The following COA8 variants were observed in gnomAD, a reference collection of about 807,000 sequenced individuals.
The protein encoded by COA8 is UPF0671 protein C14orf153.
COA8 carries 20 observed loss-of-function variants against 22.0 expected under a neutral mutation model. The observed-to-expected ratio is 0.91, with a 90% CI of 0.64 to 1.32. The LOEUF (loss-of-function observed/expected upper bound fraction) is 1.32, where lower values mean the gene tolerates loss of function less well. Among genes scored for constraint, COA8 ranks in the 40% most tolerant of loss-of-function variants. The pLI is 0.00. For missense variants in COA8, 266 were observed against 230.0 expected (o/e 1.16, Z -1.01); for synonymous variants, 105 against 79.9 (o/e 1.31, Z -1.68).
intron 3 of COA8, among the ~76,000 whole-genome samples, chr14:103,582,130 G>A (rs776521320): frequency 6.6e-6 from 1 of 151,940 alleles, no homozygotes; most frequent in Non-Finnish European, 1.5e-5. Flanking sequence ...TGCTGGAGAT[G>A]CAGGAGCCCC....
intron 4 of COA8, among the ~76,000 whole-genome samples, chr14:103,589,876 T>C (rs2076337558): frequency 6.6e-6 from 1 of 151,346 alleles, no homozygotes; most frequent in Non-Finnish European, 1.5e-5. Flanking sequence ...ATCGCGCCAC[T>C]GCACTCCAGC....
intron 1 of COA8, 97 bp downstream of exon 1, chr14:103,563,221 C>T (rs970859230): frequency 6.8e-7 from 1 of 1,467,924 alleles, no homozygotes; most frequent in Non-Finnish European, 9.2e-7. Context: ...ACAGCCGCCT[C>T]AGGCCTTTGT....
chr14:103,574,288 T>G, intron 3 of COA8, 118 bp downstream of exon 3: 1 of 1,387,996 alleles, frequency 7.2e-7, no homozygotes, highest in Non-Finnish European at 1.0e-6. Flanking sequence ...TTGGCCTGCT[T>G]TGGGGCAGTG....
chr14:103,588,130 A>AC (rs1566987198), intron 4 of COA8: 16 of 313,080 alleles, frequency 5.1e-5, no homozygotes, highest in Non-Finnish European at 7.6e-5. Context: ...AAAAAAAAAA[A>AC]AAAAAAAAAA....
chr14:103,573,134 G>C (rs552161797), intron 2 of COA8, among the ~76,000 whole-genome samples: 11 of 152,026 alleles, frequency 7.2e-5, no homozygotes, highest in Non-Finnish European at 1.0e-4. Flanking sequence ...TAAGAAAGAA[G>C]TATAAATAGT....
At chr14:103,587,466 T>TAGA in intron 4 of COA8, 102 bp downstream of exon 4, 1 of 656,196 alleles carries the variant, frequency 1.5e-6, no homozygotes, top group Non-Finnish European at 2.4e-6. Context: ...ATATCAGAGG[T>TAGA]AGAAGTTGCA....
chr14:103,586,804 G>A (rs781202804), intron 3 of COA8, among the ~76,000 whole-genome samples: 2 of 150,904 alleles, frequency 1.3e-5, no homozygotes, highest in African/African-American at 2.4e-5. Context: ...CCTGACCTCA[G>A]GTGATCCACC....
At chr14:103,576,666 C>G (rs1193484205) in intron 3 of COA8, among the ~76,000 whole-genome samples, 2 of 152,208 alleles carry the variant, frequency 1.3e-5, no homozygotes, top group Non-Finnish European at 2.9e-5. Flanking sequence ...TTACCTTTCT[C>G]ATGCTATAAA....
At chr14:103,573,999 A>C (rs1347563601) in intron 2 of COA8, 108 bp from the exon 3 acceptor site, 18 of 1,359,606 alleles carry the variant, frequency 1.3e-5, no homozygotes, top group Non-Finnish European at 1.6e-5. Context: ...GAAAATCCAC[A>C]TCTAAACTTC....
intron 3 of COA8, among the ~76,000 whole-genome samples, chr14:103,580,390 C>T (rs2076258724): frequency 6.6e-6 from 1 of 151,986 alleles, no homozygotes; most frequent in South Asian, 2.1e-4. Context: ...CTCACTGCAG[C>T]TTCCGCCTCT....
At chr14:103,576,773 G>C (rs1344728016) in intron 3 of COA8, among the ~76,000 whole-genome samples, 3 of 152,332 alleles carry the variant, frequency 2.0e-5, no homozygotes, top group Non-Finnish European at 2.9e-5. Context: ...GCCCGGTTGG[G>C]AGGTGCCCGG....
chr14:103,584,669 A>G (rs920674572), intron 3 of COA8, among the ~76,000 whole-genome samples: 5 of 152,114 alleles, frequency 3.3e-5, no homozygotes, highest in African/African-American at 9.7e-5. Flanking sequence ...ATTTCTCTAC[A>G]TCCTTGTCAA....
intron 3 of COA8, among the ~76,000 whole-genome samples, chr14:103,585,281 C>T (rs1363929749): frequency 6.6e-6 from 1 of 151,866 alleles, no homozygotes; most frequent in East Asian, 1.9e-4. Flanking sequence ...GAGTTCGAGA[C>T]CAGCCTGACC....
At chr14:103,563,159 G>T (rs1271447250) in intron 1 of COA8, 35 bp downstream of exon 1, 3 of 1,539,378 alleles carry the variant, frequency 1.9e-6, no homozygotes, top group Non-Finnish European at 1.7e-6. Flanking sequence ...GGCCGGGAGG[G>T]GTGACCGGAA....
At chr14:103,580,044 G>T (rs1389764542) in intron 3 of COA8, among the ~76,000 whole-genome samples, 3 of 152,022 alleles carry the variant, frequency 2.0e-5, no homozygotes, top group Admixed American at 6.6e-5. Context: ...GTAATCCAGG[G>T]ATGACTTAAA....
At chr14:103,585,981 A>G (rs760121259) in intron 3 of COA8, among the ~76,000 whole-genome samples, 1 of 149,122 alleles carries the variant, frequency 6.7e-6, no homozygotes, top group Non-Finnish European at 1.5e-5. Context: ...GCTCATTGCA[A>G]CCTCCACCTC....
rs1340667443 is a variant in COA8 at position 103,590,373 on chromosome 14, T to A, written c.*87T>A. 1.5e-6 allele frequency: 2 copies of A among 1,293,538 alleles called. No individual in the cohort carries two copies. The highest frequency in any genetic ancestry group is 2.2e-6 in the Non-Finnish European group (2 of 923,364). 80.1% of individuals were successfully genotyped at this position (1,293,538 alleles called of 1,614,324 possible). A position where few individuals can be genotyped will look rare whatever the true frequency, so the allele number is the denominator to read the frequency against. On this transcript the variant is annotated 3_prime_UTR_variant, in exon 5 of 5. Transcript: ENST00000409074. Reference sequence around the variant, plus strand: ...CAGGGGCTCTGAGAAAAACTGGAGCTGATCTCAAGAAGCCCCACATCTTCC... The same window carrying A: ...CAGGGGCTCTGAGAAAAACTGGAGCAGATCTCAAGAAGCCCCACATCTTCC...
chr14:103,574,390 G>C, intron 3 of COA8: 1 of 706,312 alleles, frequency 1.4e-6, no homozygotes, highest in South Asian at 1.5e-5. Context: ...CGGATTTTAG[G>C]TGGTTATGAT....
intron 3 of COA8, among the ~76,000 whole-genome samples, chr14:103,578,912 G>A (rs565221764): frequency 4.6e-5 from 7 of 152,340 alleles, no homozygotes; most frequent in Admixed American, 3.3e-4. Context: ...CTGACGGAGT[G>A]TAGCTTCATG....
Sources: gnomAD v4.1 joint callset for allele counts (sites outside exome capture counted in the v4.1 genomes callset) on GRCh38, gnomAD v4.1.1 for gene constraint, MANE v1.5 for transcripts, NCBI Gene and HGNC (gene_info 2026-07-23, HGNC 2026-07-21) for gene names.